Variants in POLA1 observed in about 807,000 individuals in gnomAD.
The protein encoded by POLA1 is DNA polymerase alpha catalytic subunit.
A neutral mutation model predicts 124.0 loss-of-function variants in POLA1; 15 were observed. The ratio of observed to expected loss-of-function variants is 0.12; its 90% CI spans 0.08 to 0.19. The LOEUF (loss-of-function observed/expected upper bound fraction) is 0.19, where lower values mean the gene tolerates loss of function less well. POLA1 is among the 10% of genes least tolerant of loss of function. POLA1 has a pLI of 1.00. For missense variants in POLA1, 886 were observed against 1,103.4 expected (o/e 0.80, Z 2.79); for synonymous variants, 408 against 389.4 (o/e 1.05, Z -0.56).
At chrX:24,927,577 G>C (rs1289880332) in intron 35 of POLA1, among the ~76,000 whole-genome samples, 1 of 111,724 alleles carries the variant, frequency 9.0e-6, no homozygotes, top group African/African-American at 3.3e-5. Context: ...TTTCAGCTCA[G>C]TATTGTCCTT....
intron 26 of POLA1, among the ~76,000 whole-genome samples, chrX:24,753,450 TCAGA>T (rs1372872156): frequency 2.7e-5 from 3 of 110,033 alleles, no homozygotes; most frequent in Non-Finnish European, 5.7e-5. Context: ...ATTCCTGGAC[TCAGA>T]CAATCTTCTC....
At chrX:24,893,725 C>T (rs1301200016) in intron 35 of POLA1, among the ~76,000 whole-genome samples, 1 of 112,427 alleles carries the variant, frequency 8.9e-6, no homozygotes, top group African/African-American at 3.2e-5. Flanking sequence ...TGTATTAGTA[C>T]TTCATTCTTT....
rs765800747 is a variant in POLA1, at chrX:24,854,045, A to ATGT, written c.4047+10382_4047+10384dup. On this transcript the variant is annotated intron_variant, in intron 34 of 36. Coordinates refer to ENST00000379068, the MANE Select transcript of POLA1 (RefSeq NM_001330360.2). ...ATGAATAGTACAGTTTGGGGCCACT[A>ATGT]TGTTGTTGTTGTTGTTTTGAGACGG... 8.1e-5 allele frequency among the ~76,000 whole-genome samples: 9 copies of ATGT among 111,266 alleles called. No individual in the cohort carries two copies. The South Asian group carries it at 1.1e-3, about 14-fold the overall frequency.
At chrX:24,828,385 C>T (rs751989325) in intron 32 of POLA1, among the ~76,000 whole-genome samples, 9 of 111,763 alleles carry the variant, frequency 8.1e-5, no homozygotes, top group African/African-American at 2.6e-4. Context: ...AGTAAGTAGC[C>T]GGCTGTGATT....
chrX:24,828,807 C>A (rs2046214966), intron 32 of POLA1, among the ~76,000 whole-genome samples: 1 of 111,381 alleles, frequency 9.0e-6, no homozygotes, highest in African/African-American at 3.3e-5. Flanking sequence ...GGTGATGGAG[C>A]CTGCTTGGGT....
rs774268459 is a variant in POLA1, at chrX:24,887,977, A to T, written c.4048-29A>T. The T allele has an allele frequency of 1.7e-5, 16 of 917,474 alleles. No homozygotes were observed. The East Asian group carries it at 3.4e-4, about 20-fold the overall frequency. The allele number at this position is 917,474 out of a possible 1,213,427, so 75.6% of individuals were successfully genotyped here. ...TTATTACTTGTATTTGTCGATGGTG[A>T]TAAGTCTGAAGTTTTCCCTTCTCTC... On this transcript the variant is annotated intron_variant, in intron 34 of 36. Transcript: ENST00000379068.
At chrX:24,921,761 C>T (rs2047618384) in intron 35 of POLA1, among the ~76,000 whole-genome samples, 1 of 111,782 alleles carries the variant, frequency 8.9e-6, no homozygotes, top group Non-Finnish European at 1.9e-5. Flanking sequence ...CCTGATGTTA[C>T]TCCAATGTAT....
chrX:24,801,924 G>GGGGTGTGTGT (rs759368851), intron 26 of POLA1, among the ~76,000 whole-genome samples: 35 of 74,544 alleles, frequency 4.7e-4, no homozygotes, highest in African/African-American at 1.6e-3. Context: ...GAGGTGGGTG[G>GGGGTGTGTGT]GTGTGTGTGT....
chrX:24,961,914 G>A (rs766858894), intron 36 of POLA1, among the ~76,000 whole-genome samples: 15 of 111,461 alleles, frequency 1.3e-4, no homozygotes, highest in Admixed American at 9.6e-4. Context: ...TTGAGAATAT[G>A]GCCATTAAGT....
intron 26 of POLA1, among the ~76,000 whole-genome samples, chrX:24,778,691 A>G (rs2045194095): frequency 1.8e-5 from 2 of 112,233 alleles, no homozygotes; most frequent in Admixed American, 9.4e-5. Context: ...TATTTTACAT[A>G]CATTACTTAA....
chrX:24,945,447 G>A (rs909557057), intron 36 of POLA1, among the ~76,000 whole-genome samples: 2 of 112,327 alleles, frequency 1.8e-5, no homozygotes, highest in African/African-American at 6.5e-5. Context: ...AAAAAAGCAT[G>A]GTCCCTGTTC....
At chrX:24,795,331 T>TA (rs1317698618) in intron 26 of POLA1, among the ~76,000 whole-genome samples, 1 of 111,916 alleles carries the variant, frequency 8.9e-6, no homozygotes, top group African/African-American at 3.2e-5. Flanking sequence ...GTAAATGACT[T>TA]ATGTGCTTTT....
At chrX:24,863,742 G>A (rs2046753070) in intron 34 of POLA1, among the ~76,000 whole-genome samples, 1 of 111,278 alleles carries the variant, frequency 9.0e-6, no homozygotes, top group African/African-American at 3.3e-5. Flanking sequence ...TGCTCCCGCA[G>A]TCTCTTGCTG....
intron 35 of POLA1, among the ~76,000 whole-genome samples, chrX:24,889,044 A>G (rs1374339782): frequency 9.1e-6 from 1 of 110,205 alleles, no homozygotes; most frequent in Non-Finnish European, 1.9e-5. Flanking sequence ...TAATTTTTGT[A>G]TTTTTAGTAG....
In POLA1 at chrX:24,888,044, A is replaced by C. The variant is rs138462379; in HGVS notation, c.4086A>C (p.Arg1362=). 38 of 1,207,273 alleles carry C rather than the reference A, an allele frequency of 3.1e-5. No homozygotes were observed. The highest frequency in any genetic ancestry group is 3.7e-5 in the Non-Finnish European group (33 of 893,334). Residue 1362 remains arginine (R), a synonymous_variant, in exon 35 of 37, where the codon CGA becomes CGC. Transcript: ENST00000379068. ...GTGAAGAGCCAACCTGTCGCAATCG[A>C]ACTCGTCACCTTCCCCTTCAATTCT... ...LICEEPTCRN[R]TRHLPLQFSR... is the part of the protein sequence containing the mutation.
intron 36 of POLA1, among the ~76,000 whole-genome samples, chrX:24,952,540 G>GA (rs971354348): frequency 2.7e-5 from 3 of 109,970 alleles, no homozygotes; most frequent in South Asian, 3.8e-4. Context: ...AAGCAGAAGG[G>GA]AAAAAAAAAG....
intron 32 of POLA1, 71 bp from the exon 33 acceptor site, chrX:24,841,580 TG>T (rs2046409914): frequency 2.6e-5 from 15 of 572,290 alleles, no homozygotes; most frequent in South Asian, 4.0e-5. Flanking sequence ...AATAATTTTT[TG>T]TGGGAGTTTT....
At position 24,745,422 on chromosome X, in the gene POLA1, T is replaced by G. The variant is rs1569293391; in HGVS notation, c.2571T>G (p.Phe857Leu). ...GGLVLDPKVGFYDKFILLLDF... is the reference protein window; with the variant it reads ...GGLVLDPKVGLYDKFILLLDF... Reference sequence around the variant, plus strand: ...GACGTGGCTTTTTAATTTCAGGTTTTTATGATAAGTTCATTTTGCTTCTGG... The same window carrying G: ...GACGTGGCTTTTTAATTTCAGGTTTGTATGATAAGTTCATTTTGCTTCTGG... Residue 857 changes from phenylalanine to leucine, a missense_variant, in exon 24 of 37, where the codon TTT (phenylalanine) becomes TTG (leucine). Transcript: ENST00000379068. 1.7e-6 allele frequency: 2 copies of G among 1,150,259 alleles called. No homozygotes were observed. Among genetic ancestry groups the G allele is most frequent in the Non-Finnish European group, 2.3e-6 (2 of 858,096 alleles). 94.8% of individuals were successfully genotyped at this position (1,150,259 alleles called of 1,213,427 possible).
chrX:24,820,149 G>GT (rs11573416), intron 30 of POLA1, among the ~76,000 whole-genome samples: 135 of 109,952 alleles, frequency 1.2e-3, no homozygotes, highest in African/African-American at 1.6e-3. Flanking sequence ...AAGTGAAAGT[G>GT]TTTTTTTTTA....
Sources: gnomAD v4.1 joint callset for allele counts (sites outside exome capture counted in the v4.1 genomes callset) on GRCh38, gnomAD v4.1.1 for gene constraint, MANE v1.5 for transcripts, NCBI Gene and HGNC (gene_info 2026-07-23, HGNC 2026-07-21) for gene names.